Variants in TCF7L2 observed in about 807,000 individuals in gnomAD.
TCF7L2 encodes transcription factor 7-like 2.
A neutral mutation model predicts 77.9 loss-of-function variants in TCF7L2; 23 were observed. The ratio of observed to expected loss-of-function variants is 0.30; its 90% CI spans 0.21 to 0.42. The LOEUF (loss-of-function observed/expected upper bound fraction) is 0.42. Ranked by LOEUF, TCF7L2 falls within the 10% of genes least tolerant of loss-of-function variation. TCF7L2 has a pLI of 1.00. For missense variants in TCF7L2, 654 were observed against 793.1 expected (o/e 0.82, Z 2.11); for synonymous variants, 413 against 340.2 (o/e 1.21, Z -2.36).
chr10:113,081,171 A>T (rs1014415532), intron 5 of TCF7L2, among the ~76,000 whole-genome samples: 1 of 152,150 alleles, frequency 6.6e-6, no homozygotes, highest in African/African-American at 2.4e-5. Context: ...TAGGCTGCTA[A>T]CGTTCTTTTT....
At chr10:112,977,730 A>T (rs1319694333) in intron 4 of TCF7L2, among the ~76,000 whole-genome samples, 1 of 152,160 alleles carries the variant, frequency 6.6e-6, no homozygotes, top group African/African-American at 2.4e-5. Context: ...GTTGGTGAAC[A>T]TTAGTCAAAG....
chr10:112,984,082 A>G (rs1309420518), intron 4 of TCF7L2, among the ~76,000 whole-genome samples: 2 of 152,232 alleles, frequency 1.3e-5, no homozygotes, highest in Non-Finnish European at 2.9e-5. Flanking sequence ...GAATTAAAAC[A>G]CAGTGCTTTG....
intron 5 of TCF7L2, among the ~76,000 whole-genome samples, chr10:113,043,166 T>C (rs1191256288): frequency 6.6e-6 from 1 of 152,246 alleles, no homozygotes; most frequent in African/African-American, 2.4e-5. Flanking sequence ...TCAGTGTTGA[T>C]TATTAATCAT....
intron 5 of TCF7L2, among the ~76,000 whole-genome samples, chr10:113,140,575 G>C (rs1406890968): frequency 6.6e-6 from 1 of 152,180 alleles, no homozygotes; most frequent in Non-Finnish European, 1.5e-5. Context: ...GCAGTTTAGA[G>C]CTTTCTGGTA....
chr10:113,165,732 C>T lies in TCF7L2; in HGVS notation c.1569C>T (p.Pro523=), dbSNP rs76249005. Residue 523 remains proline, a synonymous_variant, in exon 14 of 14, where the codon CCC becomes CCT. Coordinates refer to ENST00000627217, the MANE Select transcript of TCF7L2 (RefSeq NM_001146274.2). ...AGCCTCTGTCGCTGTCCCTGAAGCC[C>T]GACCCCCTGGCCCACCTGTCCATGA... 9 of 1,612,784 alleles carry T rather than the reference C, an allele frequency of 5.6e-6. No homozygotes were observed. The highest frequency in any genetic ancestry group is 1.3e-5 in the African/African-American group (1 of 74,774).
chr10:113,136,596 GATGT>G (rs2067440124), intron 5 of TCF7L2, among the ~76,000 whole-genome samples: 1 of 152,134 alleles, frequency 6.6e-6, no homozygotes, highest in Admixed American at 6.5e-5. Context: ...TAGTTTTGAA[GATGT>G]ATTTAGGTGA....
At chr10:113,101,837 C>T (rs182886709) in intron 5 of TCF7L2, among the ~76,000 whole-genome samples, 2,672 of 13,360 alleles carry the variant, frequency 0.2, 166 homozygotes, top group African/African-American at 0.43. Flanking sequence ...AGCGAGACTC[C>T]GTCTCAAAAA....
At chr10:113,032,373 T>C (rs2050389151) in intron 4 of TCF7L2, among the ~76,000 whole-genome samples, 1 of 152,220 alleles carries the variant, frequency 6.6e-6, no homozygotes, top group Non-Finnish European at 1.5e-5. Flanking sequence ...AATTGGATTT[T>C]TTTGTTTGTT....
At chr10:113,106,049 G>A (rs2062270240) in intron 5 of TCF7L2, among the ~76,000 whole-genome samples, 1 of 152,198 alleles carries the variant, frequency 6.6e-6, no homozygotes, top group Non-Finnish European at 1.5e-5. Context: ...AGGTGCAAAT[G>A]GGCTCTGAGG....
At chr10:113,137,053 G>A (rs913795376) in intron 5 of TCF7L2, among the ~76,000 whole-genome samples, 10 of 150,970 alleles carry the variant, frequency 6.6e-5, no homozygotes, top group Non-Finnish European at 1.3e-4. Flanking sequence ...CAGCTCCTCT[G>A]TGGCAATCTC....
At chr10:113,049,183 C>T (rs911349870) in intron 5 of TCF7L2, among the ~76,000 whole-genome samples, 3 of 151,942 alleles carry the variant, frequency 2.0e-5, no homozygotes, top group Non-Finnish European at 2.9e-5. Context: ...GCCTCATCTC[C>T]GCTGCCCCCC....
Position 113,165,822 on chromosome 10 carries a change from CG to C in TCF7L2, c.1663del (p.Ala555ProfsTer47). The C allele has an allele frequency of 6.2e-7, 1 of 1,606,164 alleles. No homozygotes were observed. ...ACAAGGCCTCCGCCCTCTGTCCCAA[CG>C]GGGCCCTGGACCTGCCCCCAGCCGC... On this transcript the variant is annotated frameshift_variant, in exon 14 of 14. Coordinates refer to ENST00000627217, the MANE Select transcript of TCF7L2 (RefSeq NM_001146274.2). LOFTEE classifies it high-confidence loss of function.
rs1589562998 is a variant in TCF7L2 at position 112,951,280 on chromosome 10, A to C, written c.256+7A>C. On this transcript the variant is annotated splice_region_variant and intron_variant, in intron 2 of 13. Coordinates refer to ENST00000627217, the MANE Select transcript of TCF7L2 (RefSeq NM_001146274.2). ...CGGGAAAGTTTGGAAGAAGGTGAGT[A>C]CGCCCCGCGCGCCCCGCAGCCGCCC... 1.4e-6 allele frequency: 2 copies of C among 1,402,440 alleles called. No individual in the cohort carries two copies. The highest frequency in any genetic ancestry group is 9.4e-7 in the Non-Finnish European group (1 of 1,065,798). The allele number at this position is 1,402,440 out of a possible 1,614,324, so 86.9% of individuals were successfully genotyped here. A position where few individuals can be genotyped will look rare whatever the true frequency, so the allele number is the denominator to read the frequency against.
At chr10:112,980,646 C>T (rs1244794251) in intron 4 of TCF7L2, among the ~76,000 whole-genome samples, 6 of 147,752 alleles carry the variant, frequency 4.1e-5, no homozygotes, top group Non-Finnish European at 7.4e-5. Flanking sequence ...TTTTTTGAAA[C>T]GGAGTCTCAC....
chr10:113,089,453 C>A (rs780446801), intron 5 of TCF7L2: 11 of 1,613,766 alleles, frequency 6.8e-6, no homozygotes, highest in Non-Finnish European at 8.5e-6. Context: ...TCTACCCCCC[C>A]TCAGACTTCA....
At chr10:113,035,798 C>A (rs941310914) in intron 4 of TCF7L2, among the ~76,000 whole-genome samples, 2 of 152,146 alleles carry the variant, frequency 1.3e-5, no homozygotes, top group African/African-American at 4.8e-5. Context: ...TGTAAATAAG[C>A]TTTTATTGGA....
chr10:113,008,656 C>T (rs2045968271), intron 4 of TCF7L2, among the ~76,000 whole-genome samples: 1 of 152,188 alleles, frequency 6.6e-6, no homozygotes, highest in Admixed American at 6.5e-5. Context: ...TGATGTGCTA[C>T]TTATTTATTT....
At chr10:113,027,194 T>G (rs1347672651) in intron 4 of TCF7L2, among the ~76,000 whole-genome samples, 1 of 152,230 alleles carries the variant, frequency 6.6e-6, no homozygotes, top group Non-Finnish European at 1.5e-5. Flanking sequence ...GATAGGGCCA[T>G]TTATATTTCT....
At chr10:112,986,794 C>G (rs749415412) in intron 4 of TCF7L2, among the ~76,000 whole-genome samples, 5 of 152,166 alleles carry the variant, frequency 3.3e-5, no homozygotes, top group Non-Finnish European at 7.3e-5. Flanking sequence ...GGGAGCTGCA[C>G]TCACCTCCGT....
Sources: gnomAD v4.1 joint callset for allele counts (sites outside exome capture counted in the v4.1 genomes callset) on GRCh38, gnomAD v4.1.1 for gene constraint, MANE v1.5 for transcripts, NCBI Gene and HGNC (gene_info 2026-07-23, HGNC 2026-07-21) for gene names.